Variants in KAZN observed in about 807,000 individuals in gnomAD.
The protein encoded by KAZN is kazrin.
A neutral mutation model predicts 87.4 loss-of-function variants in KAZN; 40 were observed. That is an observed-to-expected ratio of 0.46 (90% confidence interval 0.36 to 0.60). The LOEUF (loss-of-function observed/expected upper bound fraction) is 0.60. KAZN is among the 20% of genes least tolerant of loss of function. KAZN has a pLI of 0.00. For missense variants in KAZN, 898 were observed against 1,073.9 expected, an observed-to-expected ratio of 0.84 and a Z score of 2.29; for synonymous variants, 466 against 458.3, an observed-to-expected ratio of 1.02 and a Z score of -0.22.
At chr1:14,304,351 A>G (rs1195629387) in intron 2 of KAZN, among the ~76,000 whole-genome samples, 1 of 152,220 alleles carries the variant, frequency 6.6e-6, no homozygotes, top group Non-Finnish European at 1.5e-5. Context: ...CATATTCCTA[A>G]GGACCTGGTC....
chr1:14,604,152 C>T (rs1216235820), intron 1 of KAZN, among the ~76,000 whole-genome samples: 1 of 152,056 alleles, frequency 6.6e-6, no homozygotes, highest in African/African-American at 2.4e-5. Context: ...AAATAGGTCT[C>T]AGTGTTTGGG....
intron 1 of KAZN, among the ~76,000 whole-genome samples, chr1:14,088,901 ATAATATTCTCTGTTC>A (rs1643911273): frequency 6.6e-6 from 1 of 150,818 alleles, no homozygotes; most frequent in Non-Finnish European, 1.5e-5. Context: ...TTTATCCCAG[ATAATATTCTCTGTTC>A]TAAAATTTAC....
chr1:14,801,048 CAA>C (rs34894690), intron 1 of KAZN, among the ~76,000 whole-genome samples: 8,146 of 128,664 alleles, frequency 0.063, 299 homozygotes, highest in Admixed American at 0.13. Flanking sequence ...AACTTTATCT[CAA>C]AAAAAAAAAA....
intron 1 of KAZN, among the ~76,000 whole-genome samples, chr1:14,126,361 C>CA (rs375284631): frequency 2.0e-5 from 3 of 150,330 alleles, no homozygotes; most frequent in Non-Finnish European, 4.4e-5. Flanking sequence ...CCTCCCCCCC[C>CA]CCGTCAAGAT....
At chr1:14,779,100 T>C (rs762966554) in intron 1 of KAZN, among the ~76,000 whole-genome samples, 4 of 152,170 alleles carry the variant, frequency 2.6e-5, no homozygotes, top group African/African-American at 7.2e-5. Flanking sequence ...ATTTACCCAG[T>C]GTCACTTTCT....
chr1:14,582,135 T>G (rs747309782), intron 2 of KAZN, among the ~76,000 whole-genome samples: 5 of 148,176 alleles, frequency 3.4e-5, no homozygotes, highest in Non-Finnish European at 7.5e-5. Context: ...ACAACATCCC[T>G]ATTTTACAAG....
intron 1 of KAZN, among the ~76,000 whole-genome samples, chr1:14,077,468 C>T (rs568475375): frequency 6.6e-6 from 1 of 152,260 alleles, no homozygotes; most frequent in East Asian, 1.9e-4. Context: ...GTTTCCTGGC[C>T]GTCTCTGTCC....
chr1:14,547,868 T>C (rs1400494235), intron 2 of KAZN, among the ~76,000 whole-genome samples: 1 of 151,844 alleles, frequency 6.6e-6, no homozygotes, highest in African/African-American at 2.4e-5. Context: ...GGATAACTCA[T>C]ATTTACAAAA....
chr1:14,737,211 C>T (rs1253679374), intron 1 of KAZN, among the ~76,000 whole-genome samples: 3 of 137,446 alleles, frequency 2.2e-5, no homozygotes, highest in Admixed American at 2.1e-4. Flanking sequence ...CACGGAGACC[C>T]TGAAGCCTCA....
chr1:14,482,572 AC>A (rs1669139961), intron 2 of KAZN, among the ~76,000 whole-genome samples: 1 of 151,844 alleles, frequency 6.6e-6, no homozygotes, highest in Admixed American at 6.6e-5. Flanking sequence ...TTACATGTAA[AC>A]CCCCTGAGGG....
At chr1:14,968,088 A>G (rs112243696) in intron 2 of KAZN, among the ~76,000 whole-genome samples, 2,296 of 152,238 alleles carry the variant, frequency 0.015, 31 homozygotes, top group South Asian at 0.038. Context: ...TGTAATATAT[A>G]GTGAAATAAT....
At chr1:14,082,531 G>A (rs1643718140) in intron 1 of KAZN, among the ~76,000 whole-genome samples, 1 of 152,148 alleles carries the variant, frequency 6.6e-6, no homozygotes, top group Admixed American at 6.5e-5. Flanking sequence ...TGTGGGGAGA[G>A]TTAATAGTGT....
At chr1:14,171,730 GA>G (rs763475708) in intron 1 of KAZN, among the ~76,000 whole-genome samples, 32 of 152,188 alleles carry the variant, frequency 2.1e-4, no homozygotes, top group Non-Finnish European at 4.1e-4. Context: ...CCCATGATAT[GA>G]CTCATCTGGT....
At chr1:14,673,444 A>G (rs570721756) in intron 1 of KAZN, among the ~76,000 whole-genome samples, 1 of 152,324 alleles carries the variant, frequency 6.6e-6, no homozygotes, top group South Asian at 2.1e-4. Context: ...TTGTTTTGAA[A>G]TGGGAACAAG....
chr1:14,990,722 G>A (rs1044818786), intron 2 of KAZN, among the ~76,000 whole-genome samples: 1 of 151,698 alleles, frequency 6.6e-6, no homozygotes, highest in Non-Finnish European at 1.5e-5. Context: ...AGGTCTTGGG[G>A]GTCAGCTGCT....
At chr1:14,808,089 A>G (rs1304238121) in intron 1 of KAZN, among the ~76,000 whole-genome samples, 1 of 152,124 alleles carries the variant, frequency 6.6e-6, no homozygotes, top group East Asian at 1.9e-4. Context: ...GAGATTATGG[A>G]TAGAGTTGGC....
At chr1:14,471,403 GT>G (rs1307322599) in intron 2 of KAZN, among the ~76,000 whole-genome samples, 1 of 152,166 alleles carries the variant, frequency 6.6e-6, no homozygotes, top group African/African-American at 2.4e-5. Context: ...AGAAAATGGT[GT>G]TTTTGTGTGC....
chr1:13,929,153 C>T (rs72871380), intron 1 of KAZN, among the ~76,000 whole-genome samples: 4,572 of 149,436 alleles, frequency 0.031, 212 homozygotes, highest in African/African-American at 0.11. Context: ...ATCCTGGGCT[C>T]AGGCAATCTT....
intron 2 of KAZN, among the ~76,000 whole-genome samples, chr1:14,206,326 T>C (rs1347931505): frequency 6.6e-6 from 1 of 152,236 alleles, no homozygotes; most frequent in South Asian, 2.1e-4. Context: ...ATTGTACTTA[T>C]ATTTCACCTG....
Sources: allele counts gnomAD v4.1 joint callset (sites outside exome capture counted in the v4.1 genomes callset), GRCh38; gene constraint gnomAD v4.1.1; transcripts MANE v1.5; gene names NCBI Gene and HGNC (gene_info 2026-07-23, HGNC 2026-07-21).